The following NAV1 variants were observed in gnomAD, a reference collection of about 807,000 sequenced individuals.
NAV1 encodes neuron navigator 1.
NAV1 carries 18 observed loss-of-function variants against 175.2 expected under a neutral mutation model. The ratio of observed to expected loss-of-function variants is 0.10; its 90% CI spans 0.07 to 0.15. NAV1 has a LOEUF of 0.15. Ranked by LOEUF, NAV1 falls within the 10% of genes least tolerant of loss-of-function variation. The pLI, the probability that NAV1 is intolerant of heterozygous loss-of-function variation, is 1.00. For missense variants in NAV1, 1,731 were observed against 2,436.6 expected (o/e 0.71, Z 6.10); for synonymous variants, 897 against 978.7 (o/e 0.92, Z 1.56).
Position 201,539,337 on chromosome 1 carries a change from G to C in NAV1, c.-149G>C, listed in dbSNP as rs938443946. On this transcript the variant is annotated 5_prime_UTR_variant, in exon 1 of 34. Transcript: ENST00000685211. This position sits in a 1 kb window ranked among gnomAD's most constrained non-coding sequence, Gnocchi z 5.6. ...GGACCCGGAGCCCGGGCGGGCAGGC[G>C]CTCCGGTGAGTGGCCGGCGCGGGGC... 2.6e-5 allele frequency among the ~76,000 whole-genome samples: 4 copies of C among 151,864 alleles called. No individual in the cohort carries two copies. The highest frequency in any genetic ancestry group is 1.3e-4 in the Admixed American group (2 of 15,234).
intron 3 of NAV1, among the ~76,000 whole-genome samples, chr1:201,762,964 T>C (rs150641471): frequency 5.6e-4 from 85 of 152,194 alleles, no homozygotes; most frequent in Non-Finnish European, 9.7e-4. Context: ...AAATGGGACA[T>C]CTATGTGGGT....
chr1:201,810,094 T>C lies in NAV1; in HGVS notation c.4550T>C (p.Val1517Ala). The change falls in exon 23 of 30, where the codon GTC becomes GCC. Residue 1517 changes from valine to alanine, a missense_variant. This residue lies in a region of NAV1 where 36 missense variants were observed against 45.3 expected (regional missense o/e 0.80). Coordinates refer to ENST00000367296, the Ensembl canonical transcript of NAV1. This position sits in a 1 kb window ranked among gnomAD's most constrained non-coding sequence, Gnocchi z 6.0. ...CGTCGAGGTGTCAATAACATATCAG[T>C]CTCCCTCAAAGGTCAGTCTTTGTCT... is the stretch of plus-strand genomic sequence containing the variant. The C allele has an allele frequency of 6.2e-7, 1 of 1,613,310 alleles. No individual in the cohort carries two copies. Among genetic ancestry groups the C allele is most frequent in the East Asian group, 2.2e-5 (1 of 44,838 alleles).
Position 201,787,869 on chromosome 1 carries a change from T to G in NAV1, c.2996-599T>G, listed in dbSNP as rs1676863983. The G allele has an allele frequency of 2.8e-6, 1 of 359,040 alleles. No individual in the cohort carries two copies. The highest frequency in any genetic ancestry group is 2.1e-5 in the African/African-American group (1 of 47,196). The allele number at this position is 359,040 out of a possible 1,614,324, so 22.2% of individuals were successfully genotyped here. A position where few individuals can be genotyped will look rare whatever the true frequency, so the allele number is the denominator to read the frequency against. On this transcript the variant is annotated intron_variant, in intron 9 of 29. Coordinates refer to ENST00000367296, the Ensembl canonical transcript of NAV1. This position sits in a 1 kb window ranked among gnomAD's most constrained non-coding sequence, Gnocchi z 4.3. ...TTCACCTGCTCTGTCCATCTGACCTTCAAGCCGGGGCAATGCTAGGCAAAG... is the reference window on the plus strand; with the variant it reads ...TTCACCTGCTCTGTCCATCTGACCTGCAAGCCGGGGCAATGCTAGGCAAAG...
intron 15 of NAV1, chr1:201,796,852 GAGCTTT>G (rs1677483503): frequency 6.6e-6 from 1 of 152,156 alleles, no homozygotes; most frequent in Non-Finnish European, 1.5e-5. Context: ...TTTTGTTGTT[GAGCTTT>G]AAGAGTTTTT....
At chr1:201,569,571 A>G (rs56379160) in intron 1 of NAV1, among the ~76,000 whole-genome samples, 8,826 of 152,240 alleles carry the variant, frequency 0.058, 348 homozygotes, top group South Asian at 0.095. Flanking sequence ...CTGACATCAT[A>G]TAAGATGCTC....
intron 1 of NAV1, among the ~76,000 whole-genome samples, chr1:201,701,304 C>G (rs1007155311): frequency 3.3e-5 from 5 of 151,574 alleles, no homozygotes; most frequent in Non-Finnish European, 7.4e-5. Flanking sequence ...AGGAGAAATA[C>G]CTAATGTAAA....
At chr1:201,746,000 T>G (rs1673744759) in intron 3 of NAV1, among the ~76,000 whole-genome samples, 1 of 151,086 alleles carries the variant, frequency 6.6e-6, no homozygotes, top group Non-Finnish European at 1.5e-5. Flanking sequence ...CTCAGCTAAT[T>G]TTTTTTTTGT....
chr1:201,611,855 A>G (rs1667855168), intron 2 of NAV1, among the ~76,000 whole-genome samples: 1 of 152,152 alleles, frequency 6.6e-6, no homozygotes, highest in Admixed American at 6.5e-5. Flanking sequence ...GAGGGACAGC[A>G]AGGGACAGGG....
intron 2 of NAV1, among the ~76,000 whole-genome samples, chr1:201,589,662 T>C (rs963994497): frequency 1.3e-4 from 20 of 152,258 alleles, no homozygotes; most frequent in African/African-American, 4.8e-4. Context: ...TGGTTATTTC[T>C]TGTATTTTTA....
At chr1:201,594,072 C>CTT (rs5780076) in intron 2 of NAV1, among the ~76,000 whole-genome samples, 6,470 of 140,830 alleles carry the variant, frequency 0.046, 316 homozygotes, top group East Asian at 0.17. Context: ...GGGAGTGGCA[C>CTT]TTTTTTTTTT....
At chr1:201,662,039 G>T (rs183379467) in intron 1 of NAV1, among the ~76,000 whole-genome samples, 5 of 152,228 alleles carry the variant, frequency 3.3e-5, no homozygotes, top group Non-Finnish European at 7.3e-5. Flanking sequence ...ACACAGCCAC[G>T]AAGTGGAGTC....
chr1:201,822,931 C>T (rs1053909284), exon 30 of NAV1: 3 of 152,680 alleles, frequency 2.0e-5, no homozygotes, highest in African/African-American at 7.2e-5. Flanking sequence ...AACCTGAGCT[C>T]CCCACTCACT....
chr1:201,706,254 GGTGTGT>G (rs71138350), intron 1 of NAV1, among the ~76,000 whole-genome samples: 1 of 148,782 alleles, frequency 6.7e-6, no homozygotes, highest in Non-Finnish European at 1.5e-5. Context: ...ATTAAGAAGG[GGTGTGT>G]GTGTGTGTGT....
chr1:201,614,850 G>T (rs1667957338), intron 2 of NAV1, among the ~76,000 whole-genome samples: 1 of 152,206 alleles, frequency 6.6e-6, no homozygotes, highest in African/African-American at 2.4e-5. Flanking sequence ...CTGTGCTTCA[G>T]CGTCCTTGCC....
At position 201,805,794 on chromosome 1, in the gene NAV1, G is replaced by A. The variant is rs142838590; in HGVS notation, c.3648+1297G>A. 4.1e-3 allele frequency among the ~76,000 whole-genome samples: 619 copies of A among 152,050 alleles called. 5 individuals are homozygous for A. The highest frequency in any genetic ancestry group is 0.013 in the African/African-American group (546 of 41,466). On this transcript the variant is annotated intron_variant, in intron 17 of 29. Transcript: ENST00000367296. ...AACAATTTGCTGGGTGTGGTGATGCGTGCCTGTGGTCCCAGCTACTTGGGG... is the reference window on the plus strand; with the variant it reads ...AACAATTTGCTGGGTGTGGTGATGCATGCCTGTGGTCCCAGCTACTTGGGG...
At chr1:201,754,367 A>T (rs748340819) in intron 3 of NAV1, among the ~76,000 whole-genome samples, 2 of 152,340 alleles carry the variant, frequency 1.3e-5, no homozygotes, top group East Asian at 3.9e-4. Flanking sequence ...AGGAACAGAA[A>T]GAGAATGCTG....
rs142689651 is a variant in NAV1 at position 201,761,967 on chromosome 1, A to T, written c.1227-18454A>T. 1.5e-4 allele frequency among the ~76,000 whole-genome samples: 23 copies of T among 152,198 alleles called. No individual in the cohort carries two copies. In the East Asian group the frequency reaches 2.5e-3, roughly 17 times the overall value. On this transcript the variant is annotated intron_variant, in intron 3 of 29. Coordinates refer to ENST00000367296, the Ensembl canonical transcript of NAV1. ...CAGGAGTTCAAGACCAGCCTAGGCG[A>T]CATAGTGAGAACTTGTCTCTACAAA...
At chr1:201,720,979 A>T (rs1454065738) in intron 3 of NAV1, among the ~76,000 whole-genome samples, 4 of 151,698 alleles carry the variant, frequency 2.6e-5, no homozygotes, top group Non-Finnish European at 5.9e-5. Flanking sequence ...ATGCAGGGGG[A>T]AAGGGTAGGA....
At chr1:201,647,739 G>A (rs1669020773), upstream of NAV1, among the ~76,000 whole-genome samples, 1 of 151,990 alleles carries the variant, frequency 6.6e-6, no homozygotes, top group African/African-American at 2.4e-5. Flanking sequence ...GAAAACCAAA[G>A]ACGGTTTGGG....
Sources: gnomAD v4.1 joint callset for allele counts (sites outside exome capture counted in the v4.1 genomes callset) on GRCh38, gnomAD v4.1.1 for gene constraint, gnomAD v4.1.1 regional missense constraint, Gnocchi (gnomAD v3.1) non-coding constraint, MANE v1.5 for transcripts, NCBI Gene and HGNC (gene_info 2026-07-23, HGNC 2026-07-21) for gene names.